TGM6: variants seen among roughly 807,000 people sequenced by gnomAD.
The protein encoded by TGM6 is protein-glutamine gamma-glutamyltransferase 6.
Under a neutral mutation model 77.5 loss-of-function variants are expected in TGM6, and 74 were observed. The ratio of observed to expected loss-of-function variants is 0.96; its 90% confidence interval spans 0.79 to 1.16. TGM6 has a LOEUF of 1.16. TGM6 is among the 50% of genes most tolerant of loss of function. The pLI is 0.00. For synonymous variants in TGM6, 383 were observed against 378.9 expected (o/e 1.01, Z -0.12); for missense variants, 968 against 940.2 (o/e 1.03, Z -0.39).
chr20:2,405,569 G>A (rs2084744533), intron 9 of TGM6, among the ~76,000 whole-genome samples: 1 of 152,238 alleles, frequency 6.6e-6, no homozygotes, highest in African/African-American at 2.4e-5. Flanking sequence ...TAAGTGGGTG[G>A]GTGCTGCTGC....
intron 6 of TGM6, 39 bp downstream of exon 6, chr20:2,399,777 C>G (rs762129188): frequency 6.5e-7 from 1 of 1,549,620 alleles, no homozygotes; most frequent in South Asian, 1.1e-5. Context: ...ACCTGTGCCC[C>G]CAGCTTCCTC....
At chr20:2,392,042 T>G (rs1354466813) in intron 1 of TGM6, among the ~76,000 whole-genome samples, 1 of 152,224 alleles carries the variant, frequency 6.6e-6, no homozygotes, top group African/African-American at 2.4e-5. Context: ...CTACTTGAGT[T>G]TAGGTGTTCT....
At position 2,417,226 on chromosome 20, in the gene TGM6, C is replaced by T; in HGVS notation, c.1337-6C>T. ...CCTGCCGCTGACGTTGTGTGATGCC[C>T]TGCAGGGTCCCGGAAAGAGAGGCAG... On this transcript the variant is annotated splice_region_variant and splice_polypyrimidine_tract_variant and intron_variant, in intron 9 of 12. Coordinates refer to ENST00000202625, the MANE Select transcript of TGM6 (RefSeq NM_198994.3). 6.3e-7 allele frequency: 1 copy of T among 1,592,022 alleles called. No homozygotes were observed. The highest frequency in any genetic ancestry group is 1.1e-5 in the South Asian group (1 of 87,780).
At chr20:2,398,746 C>T (rs2122358655) in intron 5 of TGM6, among the ~76,000 whole-genome samples, 1 of 152,224 alleles carries the variant, frequency 6.6e-6, no homozygotes, top group Middle Eastern at 3.4e-3. Flanking sequence ...ATAGACCCAC[C>T]TCTCCGTGGG....
intron 6 of TGM6, 134 bp from the exon 7 acceptor site, chr20:2,400,172 T>G (rs1291556438): frequency 7.8e-7 from 1 of 1,281,104 alleles, no homozygotes; most frequent in Non-Finnish European, 1.1e-6. Flanking sequence ...CACAACCTGA[T>G]GAACTAGACA....
intron 1 of TGM6, among the ~76,000 whole-genome samples, chr20:2,389,775 G>T (rs1297429453): frequency 6.6e-6 from 1 of 152,112 alleles, no homozygotes; most frequent in Non-Finnish European, 1.5e-5. Context: ...TCCTGCGACT[G>T]TAGTGAATCA....
intron 10 of TGM6, among the ~76,000 whole-genome samples, chr20:2,429,497 A>T (rs1238339791): frequency 6.6e-6 from 1 of 151,614 alleles, no homozygotes. Flanking sequence ...TGGTCCAGGC[A>T]TGGTGGCTCA....
chr20:2,412,159 AAG>A (rs1568664782), intron 9 of TGM6, among the ~76,000 whole-genome samples: 1 of 152,240 alleles, frequency 6.6e-6, no homozygotes, highest in Non-Finnish European at 1.5e-5. Context: ...CTTAAAAAGA[AAG>A]AAAATACCAA....
At chr20:2,428,100 T>G (rs1446600558) in intron 10 of TGM6, among the ~76,000 whole-genome samples, 1 of 152,224 alleles carries the variant, frequency 6.6e-6, no homozygotes, top group African/African-American at 2.4e-5. Flanking sequence ...GGGCATATAT[T>G]GCATAATTTC....
At chr20:2,397,706 A>G (rs2084678364) in intron 4 of TGM6, among the ~76,000 whole-genome samples, 1 of 152,096 alleles carries the variant, frequency 6.6e-6, no homozygotes, top group South Asian at 2.1e-4. Context: ...AGCAGGGGAG[A>G]GACATGATTA....
Position 2,400,439 on chromosome 20 carries a change from C to A in TGM6, c.984C>A (p.Ser328Arg). ...CCCTGGAGGACCTGACAGAAGACAG[C>A]ATGTGGTGGGTCCTGCCCCCAGCCT... The part of the protein sequence containing the change: ...GRTLEDLTED[S>R]MWNFHVWNES... The change falls in exon 7 of 13, where the codon AGC (serine) becomes AGA (arginine). Residue 328 changes from serine (S) to arginine (R), a missense_variant. By Grantham distance (110) the Ser-to-Arg change is moderately radical. Transcript: ENST00000202625. The A allele has an allele frequency of 3.7e-6, 6 of 1,614,166 alleles. No individual in the cohort carries two copies. The highest frequency in any genetic ancestry group is 5.1e-6 in the Non-Finnish European group (6 of 1,180,028).
intron 9 of TGM6, among the ~76,000 whole-genome samples, chr20:2,408,918 G>A (rs892083226): frequency 2.6e-5 from 4 of 152,048 alleles, no homozygotes; most frequent in Non-Finnish European, 4.4e-5. Flanking sequence ...AATAAAGAAG[G>A]GAAAGAGTTT....
intron 1 of TGM6, among the ~76,000 whole-genome samples, chr20:2,384,001 G>C (rs1342607204): frequency 6.6e-6 from 1 of 151,818 alleles, no homozygotes; most frequent in Non-Finnish European, 1.5e-5. Flanking sequence ...CAGCTTCTCG[G>C]GAGCCTGAGG....
At position 2,421,544 on chromosome 20, in the gene TGM6, G is replaced by A. The variant is rs146969347; in HGVS notation, c.1678+3971G>A. 5.7e-3 allele frequency among the ~76,000 whole-genome samples: 865 copies of A among 152,298 alleles called. 15 individuals are homozygous for A. Among genetic ancestry groups the A allele is most frequent in the African/African-American group, 0.02 (830 of 41,556 alleles). On this transcript the variant is annotated intron_variant, in intron 10 of 12. Coordinates refer to ENST00000202625, the MANE Select transcript of TGM6 (RefSeq NM_198994.3). ...ATTCACTAATGACATATGACATTGA[G>A]CATCTTTTCATATACTTATTTGACA...
intron 1 of TGM6, among the ~76,000 whole-genome samples, chr20:2,383,833 C>T (rs114780895): frequency 0.013 from 1,919 of 152,108 alleles, 35 homozygotes; most frequent in African/African-American, 0.044. Context: ...GTAGGCCGGG[C>T]GCGGTGGCTC....
At position 2,430,445 on chromosome 20, in the gene TGM6, G is replaced by A. The variant is rs1216470337; in HGVS notation, c.1679-1G>A. On this transcript the variant is annotated splice_acceptor_variant, in intron 10 of 12. Transcript: ENST00000202625. LOFTEE classifies it high-confidence loss of function. ...ACTCCCACTTCTGCTTTCCCTTCCA[G>A]AGAAGAGAATCCCAATTACAATATC... is the stretch of plus-strand genomic sequence containing the variant. The A allele has an allele frequency of 6.2e-7, 1 of 1,614,174 alleles. No homozygotes were observed. The highest frequency in any genetic ancestry group is 1.3e-5 in the African/African-American group (1 of 75,056).
At chr20:2,389,751 G>A (rs1883053186) in intron 1 of TGM6, among the ~76,000 whole-genome samples, 1 of 152,048 alleles carries the variant, frequency 6.6e-6, no homozygotes, top group Non-Finnish European at 1.5e-5. Context: ...ACATGATGAA[G>A]TGATCAGATG....
At chr20:2,400,113 G>A (rs376752006) in intron 6 of TGM6, among the ~76,000 whole-genome samples, 193 bp from the exon 7 acceptor site, 3 of 152,198 alleles carry the variant, frequency 2.0e-5, no homozygotes, top group African/African-American at 4.8e-5. Flanking sequence ...TTGAGAGAAC[G>A]TGCAGGAGAT....
intron 7 of TGM6, among the ~76,000 whole-genome samples, chr20:2,402,569 T>C (rs2084718764): frequency 6.6e-6 from 1 of 152,200 alleles, no homozygotes; most frequent in Admixed American, 6.5e-5. Flanking sequence ...CCCCAAATGC[T>C]AATCAACATA....
Sources: allele counts gnomAD v4.1 joint callset (sites outside exome capture counted in the v4.1 genomes callset), GRCh38; gene constraint gnomAD v4.1.1; transcripts MANE v1.5; gene names NCBI Gene and HGNC (gene_info 2026-07-23, HGNC 2026-07-21).